DOCK1: variants seen among roughly 807,000 people sequenced by gnomAD.
The protein encoded by DOCK1 is dedicator of cytokinesis protein 1.
A neutral mutation model predicts 262.7 loss-of-function variants in DOCK1; 138 were observed. The ratio of observed to expected loss-of-function variants is 0.53; its 90% confidence interval spans 0.46 to 0.61. The LOEUF (loss-of-function observed/expected upper bound fraction) is 0.61. Among genes scored for constraint, DOCK1 ranks in the 20% least tolerant of loss-of-function variants. DOCK1 has a pLI of 0.00. For missense variants in DOCK1, 1,908 were observed against 2,370.7 expected, an observed-to-expected ratio of 0.80 and a Z score of 4.05; for synonymous variants, 866 against 867.4, an observed-to-expected ratio of 1.00 and a Z score of 0.03.
At position 126,905,497 on chromosome 10, in the gene DOCK1, C is replaced by A; in HGVS notation, c.-21C>A. On this transcript the variant is annotated 5_prime_UTR_variant, in exon 1 of 52. Coordinates refer to ENST00000623213, the MANE Select transcript of DOCK1 (RefSeq NM_001290223.2). ...TAGACGCGGAGTTTCCTGCCCGACC[C>A]GCGGCGGCTCCGGCGGCGCCATGAC... is the stretch of plus-strand genomic sequence containing the variant. 1 of 532,242 alleles carries A rather than the reference C, an allele frequency of 1.9e-6. No individual in the cohort carries two copies. The highest frequency in any genetic ancestry group is 2.2e-5 in the South Asian group (1 of 45,184). The allele number at this position is 532,242 out of a possible 1,614,324, so 33.0% of individuals were successfully genotyped here.
chr10:126,976,304 A>G (rs1175595135), intron 2 of DOCK1, among the ~76,000 whole-genome samples: 1 of 152,168 alleles, frequency 6.6e-6, no homozygotes, highest in Non-Finnish European at 1.5e-5. Flanking sequence ...GGTTCCCCCA[A>G]TCAGTCTGTT....
At chr10:127,425,851 A>G (rs2068778430) in intron 46 of DOCK1, 23 bp from the exon 47 acceptor site, 1 of 1,613,684 alleles carries the variant, frequency 6.2e-7, no homozygotes, top group African/African-American at 1.3e-5. Flanking sequence ...GAAATAAGGA[A>G]TGTCAACCTC....
chr10:127,420,034 T>C (rs2068404820), intron 46 of DOCK1, among the ~76,000 whole-genome samples: 1 of 152,206 alleles, frequency 6.6e-6, no homozygotes, highest in East Asian at 1.9e-4. Flanking sequence ...TTTCTCTGTC[T>C]GTATTGATAG....
chr10:126,920,533 A>G (rs1406658284), intron 1 of DOCK1, among the ~76,000 whole-genome samples: 1 of 152,244 alleles, frequency 6.6e-6, no homozygotes, highest in Admixed American at 6.5e-5. Context: ...AAATGCAGTA[A>G]TGAAAAGCCA....
At chr10:127,263,331 CCATATATGT>C (rs1381901032) in intron 29 of DOCK1, among the ~76,000 whole-genome samples, 1 of 152,250 alleles carries the variant, frequency 6.6e-6, no homozygotes, top group East Asian at 1.9e-4. Flanking sequence ...TATCTACCTG[CCATATATGT>C]GTATATATAG....
chr10:127,192,881 C>G (rs188594851), intron 27 of DOCK1, among the ~76,000 whole-genome samples: 3 of 152,220 alleles, frequency 2.0e-5, no homozygotes, highest in Admixed American at 1.3e-4. Context: ...TGTATTCTGT[C>G]CTTAATGTAT....
chr10:127,007,491 C>G (rs1447854002), intron 10 of DOCK1: 1 of 152,236 alleles, frequency 6.6e-6, no homozygotes, highest in African/African-American at 2.4e-5. Flanking sequence ...ATCTTCCTCT[C>G]AAGTCCAGTG....
intron 27 of DOCK1, among the ~76,000 whole-genome samples, chr10:127,183,001 C>T (rs767620781): frequency 8.6e-4 from 129 of 150,540 alleles, no homozygotes; most frequent in Non-Finnish European, 1.5e-3. Context: ...GAATCTCACT[C>T]ACATGAAAAC....
intron 23 of DOCK1, among the ~76,000 whole-genome samples, chr10:127,090,731 T>A (rs1257200967): frequency 6.6e-6 from 1 of 152,180 alleles, no homozygotes; most frequent in Non-Finnish European, 1.5e-5. Context: ...GCGTATTTCA[T>A]ATAAATGGCA....
intron 29 of DOCK1, among the ~76,000 whole-genome samples, chr10:127,291,930 G>C (rs1161494781): frequency 1.3e-5 from 2 of 152,188 alleles, no homozygotes; most frequent in African/African-American, 2.4e-5. Flanking sequence ...CCTTCACAGA[G>C]TGCCTCCTGA....
At chr10:127,137,785 T>G in intron 27 of DOCK1, 2 of 1,522,504 alleles carry the variant, frequency 1.3e-6, no homozygotes, top group East Asian at 2.3e-5. Flanking sequence ...AGTATTGACT[T>G]AAACTCCAGT....
chr10:127,307,228 C>T (rs2061907537), intron 29 of DOCK1, among the ~76,000 whole-genome samples: 1 of 152,180 alleles, frequency 6.6e-6, no homozygotes, highest in Non-Finnish European at 1.5e-5. Flanking sequence ...ACAGGTGAAG[C>T]TCCTTCCTGC....
intron 27 of DOCK1, among the ~76,000 whole-genome samples, chr10:127,162,818 G>A (rs1249813524): frequency 6.6e-6 from 1 of 152,214 alleles, no homozygotes; most frequent in African/African-American, 2.4e-5. Context: ...TGTCAGCACT[G>A]TGCATGGCCT....
chr10:127,134,792 C>T (rs1470625876), intron 27 of DOCK1, among the ~76,000 whole-genome samples: 2 of 152,148 alleles, frequency 1.3e-5, no homozygotes, highest in Non-Finnish European at 2.9e-5. Flanking sequence ...GTCTGCAGTG[C>T]CCTCTCCCTT....
At chr10:127,292,630 T>A (rs1463277892) in intron 29 of DOCK1, among the ~76,000 whole-genome samples, 1 of 152,202 alleles carries the variant, frequency 6.6e-6, no homozygotes, top group South Asian at 2.1e-4. Context: ...TGTGACTCCC[T>A]GTTTCTCAGA....
intron 27 of DOCK1, among the ~76,000 whole-genome samples, chr10:127,133,105 A>G (rs953786249): frequency 1.3e-5 from 2 of 152,154 alleles, no homozygotes; most frequent in African/African-American, 4.8e-5. Flanking sequence ...TTTCATTGTG[A>G]CAACAGCATC....
chr10:126,931,468 C>T (rs2031065695), intron 1 of DOCK1, among the ~76,000 whole-genome samples: 1 of 152,026 alleles, frequency 6.6e-6, no homozygotes, highest in African/African-American at 2.4e-5. Flanking sequence ...CCCAGAAGTG[C>T]AGGTTCAGGA....
At chr10:127,049,968 C>CTTTTT (rs71941085) in intron 21 of DOCK1, among the ~76,000 whole-genome samples, 148 of 99,976 alleles carry the variant, frequency 1.5e-3, no homozygotes, top group African/African-American at 1.9e-3. Flanking sequence ...AAACTGGCCT[C>CTTTTT]TTTTTTTTTT....
chr10:127,153,287 G>A (rs2052692214), intron 27 of DOCK1, among the ~76,000 whole-genome samples: 1 of 152,166 alleles, frequency 6.6e-6, no homozygotes, highest in African/African-American at 2.4e-5. Context: ...TTCCTGTTGG[G>A]AGTTTCTGCT....
Sources: allele counts gnomAD v4.1 joint callset (sites outside exome capture counted in the v4.1 genomes callset), GRCh38; gene constraint gnomAD v4.1.1; transcripts MANE v1.5; gene names NCBI Gene and HGNC (gene_info 2026-07-23, HGNC 2026-07-21).